The following CDH4 variants were observed in gnomAD, a reference collection of about 807,000 sequenced individuals.
CDH4 encodes cadherin 4, also known as cadherin-4.
CDH4 carries 33 observed loss-of-function variants against 86.0 expected under a neutral mutation model. That is an observed-to-expected ratio of 0.38 (90% confidence interval 0.29 to 0.51). The LOEUF (loss-of-function observed/expected upper bound fraction) is 0.51. Among genes scored for constraint, CDH4 ranks in the 20% least tolerant of loss-of-function variants. The pLI is 0.86. For synonymous variants in CDH4, 555 were observed against 549.4 expected (o/e 1.01, Z -0.14); for missense variants, 1,114 against 1,307.4 (o/e 0.85, Z 2.28).
At chr20:61,744,340 GAC>G (rs1454911580) in intron 3 of CDH4, among the ~76,000 whole-genome samples, 2 of 151,414 alleles carry the variant, frequency 1.3e-5, no homozygotes, top group African/African-American at 4.9e-5. Context: ...GGTGGAGAGA[GAC>G]AGGAAAGGAG....
At chr20:61,309,356 CG>C (rs2084433441) in intron 2 of CDH4, among the ~76,000 whole-genome samples, 2 of 151,458 alleles carry the variant, frequency 1.3e-5, no homozygotes, top group Non-Finnish European at 2.9e-5. Flanking sequence ...CTGTCTTCCT[CG>C]AGTTTCCAGA....
intron 2 of CDH4, among the ~76,000 whole-genome samples, chr20:61,296,867 G>A (rs1297624171): frequency 3.3e-5 from 5 of 152,136 alleles, no homozygotes; most frequent in Admixed American, 2.6e-4. Context: ...GACGGGGGTG[G>A]AGAATGGGTG....
At chr20:61,494,547 G>A (rs548053760) in intron 2 of CDH4, among the ~76,000 whole-genome samples, 5 of 152,292 alleles carry the variant, frequency 3.3e-5, no homozygotes, top group African/African-American at 7.2e-5. Context: ...CAAGAAGAGC[G>A]ATGTTTAGCA....
At chr20:61,521,746 G>A (rs540076038) in intron 2 of CDH4, among the ~76,000 whole-genome samples, 2 of 152,080 alleles carry the variant, frequency 1.3e-5, no homozygotes, top group South Asian at 4.1e-4. Context: ...CTGCAGCCTG[G>A]AAGAGCCTCT....
chr20:61,262,001 C>T (rs1204682219), intron 2 of CDH4, among the ~76,000 whole-genome samples: 2 of 152,162 alleles, frequency 1.3e-5, no homozygotes, highest in East Asian at 1.9e-4. Flanking sequence ...ACTCTGCCAG[C>T]GCTGGGGAAG....
intron 3 of CDH4, among the ~76,000 whole-genome samples, chr20:61,752,361 T>A (rs2088508732): frequency 1.4e-5 from 2 of 145,854 alleles, no homozygotes; most frequent in African/African-American, 5.0e-5. Flanking sequence ...GAACTTCTGA[T>A]CATCAAAACA....
At chr20:61,355,272 T>A (rs548248084) in intron 2 of CDH4, among the ~76,000 whole-genome samples, 1 of 152,128 alleles carries the variant, frequency 6.6e-6, no homozygotes, top group East Asian at 1.9e-4. Context: ...TCAGAAAGGC[T>A]GGAGCAGGAA....
intron 2 of CDH4, among the ~76,000 whole-genome samples, chr20:61,693,127 CAGAG>C (rs1387685865): frequency 1.3e-5 from 2 of 152,142 alleles, no homozygotes; most frequent in Admixed American, 6.5e-5. Context: ...TGGTGACAAT[CAGAG>C]AGGCCAGTCA....
chr20:61,505,461 T>G (rs1208500263), intron 2 of CDH4, among the ~76,000 whole-genome samples: 1 of 152,208 alleles, frequency 6.6e-6, no homozygotes, highest in Non-Finnish European at 1.5e-5. Context: ...TTGCAGCCTG[T>G]GATCTTAAGG....
intron 2 of CDH4, among the ~76,000 whole-genome samples, chr20:61,373,876 T>A (rs542660081): frequency 6.6e-6 from 1 of 152,216 alleles, no homozygotes; most frequent in African/African-American, 2.4e-5. Context: ...GGTGACTGTA[T>A]AAACTCTGAG....
Position 61,484,051 on chromosome 20 carries a change from G to A in CDH4, c.169+229114G>A, listed in dbSNP as rs78683231. On this transcript the variant is annotated intron_variant, in intron 2 of 15. Transcript: ENST00000614565. Reference sequence around the variant, plus strand: ...TCTTGGTATTTTCTCTTTGCTCTCCGCTGGGGACGCATCTTCCTAAAGCAT... The same window carrying A: ...TCTTGGTATTTTCTCTTTGCTCTCCACTGGGGACGCATCTTCCTAAAGCAT... 7.1e-3 allele frequency among the ~76,000 whole-genome samples: 1,085 copies of A among 151,956 alleles called. 23 individuals are homozygous for A. In the East Asian group the frequency reaches 0.08, roughly 11 times the overall value.
chr20:61,866,375 T>A (rs1269628861), intron 6 of CDH4, among the ~76,000 whole-genome samples: 1 of 152,170 alleles, frequency 6.6e-6, no homozygotes, highest in Non-Finnish European at 1.5e-5. Context: ...TGGGCACATT[T>A]TGAAGGGTTT....
intron 4 of CDH4, among the ~76,000 whole-genome samples, chr20:61,780,857 C>T (rs1366541963): frequency 6.6e-6 from 1 of 152,138 alleles, no homozygotes; most frequent in African/African-American, 2.4e-5. Context: ...GGATCTCAGG[C>T]AGGAAGCCAC....
At chr20:61,406,110 G>T (rs1472642586) in intron 2 of CDH4, among the ~76,000 whole-genome samples, 2 of 152,198 alleles carry the variant, frequency 1.3e-5, no homozygotes, top group African/African-American at 4.8e-5. Context: ...CAAAGACCTC[G>T]CACTTGGCTT....
intron 11 of CDH4, 77 bp from the exon 12 acceptor site, chr20:61,928,113 C>A: frequency 9.1e-7 from 1 of 1,102,086 alleles, no homozygotes. Flanking sequence ...TGTTTGTGTG[C>A]GTGTCCTGTG....
chr20:61,763,699 A>G (rs1459863599), intron 3 of CDH4, among the ~76,000 whole-genome samples: 1 of 151,816 alleles, frequency 6.6e-6, no homozygotes, highest in African/African-American at 2.4e-5. Context: ...GAGTTTCTGC[A>G]TGGAAGCCGG....
chr20:61,429,488 A>G (rs1198663311), intron 2 of CDH4, among the ~76,000 whole-genome samples: 1 of 152,144 alleles, frequency 6.6e-6, no homozygotes, highest in African/African-American at 2.4e-5. Flanking sequence ...CAGGGCAGCA[A>G]ATTAATGCCT....
intron 2 of CDH4, among the ~76,000 whole-genome samples, chr20:61,574,828 C>T (rs1244528418): frequency 6.6e-6 from 1 of 152,170 alleles, no homozygotes; most frequent in African/African-American, 2.4e-5. Context: ...ATAGAAGTGC[C>T]AGCTGCCATA....
At chr20:61,788,637 C>T (rs1428113811) in intron 4 of CDH4, among the ~76,000 whole-genome samples, 1 of 152,182 alleles carries the variant, frequency 6.6e-6, no homozygotes, top group Non-Finnish European at 1.5e-5. Context: ...CTGCAGGAGG[C>T]CTGACCATGT....
Sources: gnomAD v4.1 joint callset for allele counts (sites outside exome capture counted in the v4.1 genomes callset) on GRCh38, gnomAD v4.1.1 for gene constraint, MANE v1.5 for transcripts, NCBI Gene and HGNC (gene_info 2026-07-23, HGNC 2026-07-21) for gene names.